The following KCNN4 variants were observed in gnomAD, a reference collection of about 807,000 sequenced individuals.
KCNN4 encodes intermediate conductance calcium-activated potassium channel protein 4.
KCNN4 carries 31 observed loss-of-function variants against 45.2 expected under a neutral mutation model. The observed-to-expected ratio is 0.69, with a 90% confidence interval of 0.52 to 0.92. KCNN4 has a LOEUF of 0.92. Ranked by LOEUF, KCNN4 falls within the 40% of genes least tolerant of loss-of-function variation. The pLI is 0.00. For synonymous variants in KCNN4, 231 were observed against 254.6 expected (o/e 0.91, Z 0.88); for missense variants, 463 against 574.0 (o/e 0.81, Z 1.98).
At chr19:43,776,899 A>C in intron 1 of KCNN4, 3 of 403,504 alleles carry the variant, frequency 7.4e-6, no homozygotes, top group Non-Finnish European at 1.4e-5. Context: ...GGAGTTTGAG[A>C]CCCCCTGGCC....
chr19:43,774,530 A>G lies in KCNN4; in HGVS notation c.345T>C (p.Cys115=). The G allele has an allele frequency of 6.3e-7, 1 of 1,595,790 alleles. No individual in the cohort carries two copies. Among genetic ancestry groups the G allele is most frequent in the Non-Finnish European group, 8.5e-7 (1 of 1,175,820 alleles). ...CCCGCACGGGCGCCGGGTGCAGCCC[A>G]CACACCACCAGCTCCAGCACGATCT... ...AAQIVLELVV[C]GLHPAPVRGP... Residue 115 remains cysteine (C), a synonymous_variant, in exon 3 of 9, where the codon TGT becomes TGC. Transcript: ENST00000648319. This position sits in a 1 kb window ranked among gnomAD's most constrained non-coding sequence, Gnocchi z 5.6.
At position 43,774,228 on chromosome 19, in the gene KCNN4, C is replaced by T. The variant is rs1376443427; in HGVS notation, c.647G>A (p.Trp216Ter). ...RLLLGLTLGL[W>*]LTTAWVLSVA... ...GGACAGCACCCAGGCGGTGGTCAGC[C>T]AGAGGCCAAGCGTGAGGCCGAGCAG... Residue 216 changes from tryptophan (W) to a stop codon, truncating the protein, a stop_gained, in exon 3 of 9, where the codon TGG becomes TAG. Transcript: ENST00000648319. LOFTEE classifies it high-confidence loss of function. The surrounding 1 kb of genome is among the most constrained non-coding windows in gnomAD (Gnocchi z 5.6). 4 of 1,613,314 alleles carry T rather than the reference C, an allele frequency of 2.5e-6. No individual in the cohort carries two copies. The South Asian group carries it at 4.4e-5, about 18-fold the overall frequency.
Position 43,772,173 on chromosome 19 carries a change from T to C in KCNN4, c.684-38A>G. ...GTAGGTTAGTTCTAAAACCCCACCATAGAGGTTTCCATGATATTCACTCCC... is the reference window on the plus strand; with the variant it reads ...GTAGGTTAGTTCTAAAACCCCACCACAGAGGTTTCCATGATATTCACTCCC... On this transcript the variant is annotated intron_variant, in intron 3 of 8. Coordinates refer to ENST00000648319, the MANE Select transcript of KCNN4 (RefSeq NM_002250.3). The surrounding 1 kb of genome is among the most constrained non-coding windows in gnomAD (Gnocchi z 4.4). 1.2e-6 allele frequency: 2 copies of C among 1,607,148 alleles called. No homozygotes were observed. The highest frequency in any genetic ancestry group is 1.7e-6 in the Non-Finnish European group (2 of 1,177,518).
chr19:43,772,305 G>A lies in KCNN4; in HGVS notation c.684-170C>T, dbSNP rs532187622. On this transcript the variant is annotated intron_variant, in intron 3 of 8. Coordinates refer to ENST00000648319, the MANE Select transcript of KCNN4 (RefSeq NM_002250.3). The surrounding 1 kb of genome is among the most constrained non-coding windows in gnomAD (Gnocchi z 4.4). ...CCTGGACAAAAAGCCATTAAGTTCT[G>A]AGCTTTGGAAAGCCTGCATGGCCTC... Among the ~76,000 whole-genome samples, 7 of 151,952 alleles carry A rather than the reference G, an allele frequency of 4.6e-5. No homozygotes were observed. Among genetic ancestry groups the A allele is most frequent in the Non-Finnish European group, 1.0e-4 (7 of 68,016 alleles).
chr19:43,767,477 G>T, intron 8 of KCNN4, 63 bp downstream of exon 8: 2 of 1,560,116 alleles, frequency 1.3e-6, no homozygotes, highest in Non-Finnish European at 1.7e-6. Flanking sequence ...TAGCCACATA[G>T]GGTGCTGGCC....
chr19:43,769,896 A>G lies in KCNN4; in HGVS notation c.820-67T>C. ...GACTCCCTCCTTGAACCCGCCCAAC[A>G]GCCACAGACGGTAGGCACGACCATC... On this transcript the variant is annotated intron_variant, in intron 4 of 8. Transcript: ENST00000648319. This position sits in a 1 kb window ranked among gnomAD's most constrained non-coding sequence, Gnocchi z 4.4. 9.2e-7 allele frequency: 1 copy of G among 1,086,036 alleles called. No homozygotes were observed. Among genetic ancestry groups the G allele is most frequent in the Non-Finnish European group, 1.4e-6 (1 of 728,252 alleles). The allele number at this position is 1,086,036 out of a possible 1,614,324, so 67.3% of individuals were successfully genotyped here.
At chr19:43,776,847 C>A in intron 1 of KCNN4, 1 of 534,506 alleles carries the variant, frequency 1.9e-6, no homozygotes, top group Non-Finnish European at 3.4e-6. Context: ...CCTGTAATCC[C>A]AACACTCTGG....
rs1477877730 is a variant in KCNN4 at position 43,774,120 on chromosome 19, A to G, written c.683+72T>C. The G allele has an allele frequency of 1.3e-5, 19 of 1,459,830 alleles. No homozygotes were observed. The highest frequency in any genetic ancestry group is 1.8e-5 in the Non-Finnish European group (19 of 1,078,988). 90.4% of individuals were successfully genotyped at this position (1,459,830 alleles called of 1,614,324 possible). A position where few individuals can be genotyped will look rare whatever the true frequency, so the allele number is the denominator to read the frequency against. On this transcript the variant is annotated intron_variant, in intron 3 of 8. Coordinates refer to ENST00000648319, the MANE Select transcript of KCNN4 (RefSeq NM_002250.3). The surrounding 1 kb of genome is among the most constrained non-coding windows in gnomAD (Gnocchi z 5.6). ...TTGGTCCTAGGGGGCCTCAACCTGC[A>G]CCGCGGCACAGGACGGCCGCCGTGG...
In KCNN4 at chr19:43,772,007, C is replaced by G. The variant is rs770677459; in HGVS notation, c.812G>C (p.Gly271Ala). The G allele has an allele frequency of 1.2e-6, 2 of 1,610,330 alleles. No individual in the cohort carries two copies. The highest frequency in any genetic ancestry group is 1.7e-6 in the Non-Finnish European group (2 of 1,178,550). ...MWGKIVCLCT[G>A]VMGVCCTALL... ...CAAGGCAGCTGTACTCACCATGACT[C>G]CAGTGCACAGGCAGACGATCTTGCC... Residue 271 changes from glycine to alanine, a missense_variant, in exon 4 of 9, where the codon GGA becomes GCA. Gly to Ala is a moderately conservative substitution (Grantham distance 60). Coordinates refer to ENST00000648319, the MANE Select transcript of KCNN4 (RefSeq NM_002250.3). The surrounding 1 kb of genome is among the most constrained non-coding windows in gnomAD (Gnocchi z 4.4).
intron 1 of KCNN4, among the ~76,000 whole-genome samples, 174 bp downstream of exon 1, chr19:43,780,526 CAAG>C (rs1470718091): frequency 9.2e-5 from 13 of 141,988 alleles, no homozygotes; most frequent in African/African-American, 2.7e-4. Flanking sequence ...CCCAGGAGTC[CAAG>C]TCCCCAGTCC....
intron 3 of KCNN4, among the ~76,000 whole-genome samples, 192 bp downstream of exon 3, chr19:43,774,000 T>C (rs976446527): frequency 1.3e-5 from 2 of 152,152 alleles, no homozygotes; most frequent in Non-Finnish European, 1.5e-5. Flanking sequence ...GCTGGGGGCT[T>C]GTCTGTTGGT....
At chr19:43,771,114 G>T (rs1281285669) in intron 4 of KCNN4, among the ~76,000 whole-genome samples, 1 of 152,108 alleles carries the variant, frequency 6.6e-6, no homozygotes. Context: ...AAGGCATTAG[G>T]TGCTAGTCTC....
At chr19:43,775,384 G>T (rs1209406268) in intron 2 of KCNN4, among the ~76,000 whole-genome samples, 1 of 152,142 alleles carries the variant, frequency 6.6e-6, no homozygotes, top group Admixed American at 6.5e-5. Context: ...CCGTGGATAC[G>T]CCAGGTACTG....
At position 43,772,221 on chromosome 19, in the gene KCNN4, C is replaced by A; in HGVS notation, c.684-86G>T. The A allele has an allele frequency of 6.9e-7, 1 of 1,446,662 alleles. No individual in the cohort carries two copies. The allele number at this position is 1,446,662 out of a possible 1,614,324, so 89.6% of individuals were successfully genotyped here. A position where few individuals can be genotyped will look rare whatever the true frequency, so the allele number is the denominator to read the frequency against. On this transcript the variant is annotated intron_variant, in intron 3 of 8. Coordinates refer to ENST00000648319, the MANE Select transcript of KCNN4 (RefSeq NM_002250.3). This position sits in a 1 kb window ranked among gnomAD's most constrained non-coding sequence, Gnocchi z 4.4. ...CCCCTTCCCTCTATACCCTCCCATC[C>A]CCTTCCCTCTGGTTCCCTCCCTTCC...
intron 4 of KCNN4, among the ~76,000 whole-genome samples, chr19:43,771,497 C>G (rs1347838719): frequency 6.6e-6 from 1 of 152,064 alleles, no homozygotes; most frequent in Non-Finnish European, 1.5e-5. Flanking sequence ...ACCCAGGTAG[C>G]CTGGCCCCAC....
At chr19:43,770,674 T>G (rs1969618875) in intron 4 of KCNN4, among the ~76,000 whole-genome samples, 1 of 152,196 alleles carries the variant, frequency 6.6e-6, no homozygotes. Flanking sequence ...ATCTGTGAAA[T>G]GGCCTCACAG....
Position 43,774,284 on chromosome 19 carries a change from C to T in KCNN4, c.591G>A (p.Lys197=). The change falls in exon 3 of 9, where the codon AAG becomes AAA. Residue 197 remains lysine, a synonymous_variant. Coordinates refer to ENST00000648319, the MANE Select transcript of KCNN4 (RefSeq NM_002250.3). This position sits in a 1 kb window ranked among gnomAD's most constrained non-coding sequence, Gnocchi z 5.6. ...GGCCAGGGTGCGTGTTCATGTAAAG[C>T]TTGGCCACGAACCAGTGGCGGAAGC... is the stretch of plus-strand genomic sequence containing the variant. ...QVRFRHWFVA[K]LYMNTHPGRL... 4 of 1,612,708 alleles carry T rather than the reference C, an allele frequency of 2.5e-6. No homozygotes were observed. Among genetic ancestry groups the T allele is most frequent in the Non-Finnish European group, 3.4e-6 (4 of 1,179,420 alleles).
intron 7 of KCNN4, among the ~76,000 whole-genome samples, chr19:43,768,676 G>A (rs904754923): frequency 3.3e-5 from 5 of 151,968 alleles, no homozygotes; most frequent in Non-Finnish European, 7.4e-5. Context: ...TTTTATATCC[G>A]TCCACATGTA....
At chr19:43,779,274 C>T (rs914268574) in intron 1 of KCNN4, among the ~76,000 whole-genome samples, 6 of 152,176 alleles carry the variant, frequency 3.9e-5, no homozygotes, top group African/African-American at 9.7e-5. Flanking sequence ...GTTCCCACCT[C>T]GGCTTCTGGG....
Sources: gnomAD v4.1 joint callset for allele counts (sites outside exome capture counted in the v4.1 genomes callset) on GRCh38, gnomAD v4.1.1 for gene constraint, Gnocchi (gnomAD v3.1) non-coding constraint, MANE v1.5 for transcripts, NCBI Gene and HGNC (gene_info 2026-07-23, HGNC 2026-07-21) for gene names.